The following TENM4 variants were observed in gnomAD, a reference collection of about 807,000 sequenced individuals.
TENM4 encodes teneurin-4.
In TENM4, 82 loss-of-function variants were observed where a neutral mutation model predicts 243.3. That is an observed-to-expected ratio of 0.34 (90% CI 0.28 to 0.40). The LOEUF (loss-of-function observed/expected upper bound fraction) is 0.40, where lower values mean the gene tolerates loss of function less well. Among genes scored for constraint, TENM4 ranks in the 10% least tolerant of loss-of-function variants. The pLI is 1.00. For missense variants in TENM4, 3,138 were observed against 3,673.3 expected, an observed-to-expected ratio of 0.85 and a Z score of 3.77; for synonymous variants, 1,412 against 1,456.3, an observed-to-expected ratio of 0.97 and a Z score of 0.69.
chr11:78,759,288 TTAAACACA>T (rs1248238426), intron 18 of TENM4, among the ~76,000 whole-genome samples: 4 of 152,240 alleles, frequency 2.6e-5, no homozygotes, highest in African/African-American at 9.6e-5. Flanking sequence ...CAGACATTGC[TTAAACACA>T]TAATTACAGC....
At chr11:78,835,124 T>C (rs893523992) in intron 12 of TENM4, among the ~76,000 whole-genome samples, 2 of 152,188 alleles carry the variant, frequency 1.3e-5, no homozygotes, top group East Asian at 1.9e-4. Flanking sequence ...CGGTGAGGCA[T>C]GTAACAGTCA....
chr11:78,840,497 C>T (rs1287090298), intron 12 of TENM4, among the ~76,000 whole-genome samples: 4 of 152,124 alleles, frequency 2.6e-5, no homozygotes, highest in Non-Finnish European at 1.5e-5. Context: ...TTTGTTATAA[C>T]CCTTCATATA....
At chr11:78,829,888 C>T (rs1046995452) in intron 12 of TENM4, among the ~76,000 whole-genome samples, 2 of 152,120 alleles carry the variant, frequency 1.3e-5, no homozygotes, top group South Asian at 4.1e-4. Context: ...CATGCAGGTG[C>T]GTGTACTTTG....
intron 28 of TENM4, among the ~76,000 whole-genome samples, chr11:78,698,135 C>T (rs1435444885): frequency 6.6e-6 from 1 of 152,186 alleles, no homozygotes; most frequent in Non-Finnish European, 1.5e-5. Flanking sequence ...GGTGCGGTGG[C>T]TCATGCCTGT....
At chr11:78,842,218 A>G (rs1011322973) in intron 12 of TENM4, among the ~76,000 whole-genome samples, 3 of 152,208 alleles carry the variant, frequency 2.0e-5, no homozygotes, top group Admixed American at 1.3e-4. Context: ...TCCTAATGTA[A>G]TTAGTGATAT....
intron 1 of TENM4, among the ~76,000 whole-genome samples, chr11:79,300,488 T>G (rs1473323362): frequency 1.3e-5 from 2 of 152,186 alleles, no homozygotes; most frequent in African/African-American, 4.8e-5. Flanking sequence ...TTTGATTATA[T>G]GCTTATACTG....
Position 78,977,885 on chromosome 11 carries a change from C to T in TENM4, c.494-74362G>A, listed in dbSNP as rs1368141155. Among the ~76,000 whole-genome samples the T allele has an allele frequency of 2.0e-5, 3 of 152,204 alleles. No individual in the cohort carries two copies. In the East Asian group the frequency reaches 5.8e-4, roughly 29 times the overall value. ...ACCCAAAGGATTATAAATCATTCTA[C>T]TATAAAGACACATGCATACATATGT... On this transcript the variant is annotated intron_variant, in intron 6 of 33. Transcript: ENST00000278550.
chr11:78,774,711 C>G (rs1036044424), intron 17 of TENM4, among the ~76,000 whole-genome samples: 1 of 152,116 alleles, frequency 6.6e-6, no homozygotes, highest in African/African-American at 2.4e-5. Flanking sequence ...CTCAGTTTCC[C>G]CATTTATAAA....
Position 78,732,372 on chromosome 11 carries a change from G to A in TENM4, c.3082C>T (p.Leu1028=). Residue 1028 remains leucine, a synonymous_variant, in exon 21 of 34, where the codon CTG becomes TTG. Coordinates refer to ENST00000278550, the MANE Select transcript of TENM4 (RefSeq NM_001098816.3). ...GCACAGGAGCTGGCGAAGGACGTCA[G>A]TGGGGATGGAGAGACGACTGGGTTG... The part of the protein sequence containing the change: ...RPNPVVSPSP[L]TSFASSCAEK... 1 of 1,614,006 alleles carries A rather than the reference G, an allele frequency of 6.2e-7. No individual in the cohort carries two copies. Among genetic ancestry groups the A allele is most frequent in the South Asian group, 1.1e-5 (1 of 91,084 alleles).
chr11:79,247,888 A>T (rs1855547210), intron 2 of TENM4, among the ~76,000 whole-genome samples: 1 of 152,228 alleles, frequency 6.6e-6, no homozygotes, highest in South Asian at 2.1e-4. Context: ...CTGTTTTTAC[A>T]GGAGAAGGAG....
At chr11:79,260,621 A>G (rs1354769202) in intron 2 of TENM4, among the ~76,000 whole-genome samples, 1 of 152,194 alleles carries the variant, frequency 6.6e-6, no homozygotes, top group Non-Finnish European at 1.5e-5. Flanking sequence ...CCTGTTGCCC[A>G]GTATGCGGTA....
intron 4 of TENM4, among the ~76,000 whole-genome samples, chr11:79,104,456 T>C (rs1861312817): frequency 6.6e-6 from 1 of 152,228 alleles, no homozygotes; most frequent in South Asian, 2.1e-4. Context: ...ATGTGACCTT[T>C]CTATTTAGAC....
intron 4 of TENM4, among the ~76,000 whole-genome samples, chr11:79,120,912 T>C (rs1861731857): frequency 2.0e-5 from 3 of 152,236 alleles, no homozygotes; most frequent in Admixed American, 2.0e-4. Flanking sequence ...TAGACATTAC[T>C]GTTATCCCAT....
At position 78,863,008 on chromosome 11, in the gene TENM4, G is replaced by T; in HGVS notation, c.1209C>A (p.Gly403=). The change falls in exon 10 of 34, where the codon GGC becomes GGA. Residue 403 remains glycine (G), a synonymous_variant. Coordinates refer to ENST00000278550, the MANE Select transcript of TENM4 (RefSeq NM_001098816.3). Reference sequence around the variant, plus strand: ...TCCTGTCAGGGGTCTCTAAGCCAGTGCCCCCTGAGGGGTATAGGGAGACGT... The same window carrying T: ...TCCTGTCAGGGGTCTCTAAGCCAGTTCCCCCTGAGGGGTATAGGGAGACGT... ...PTDVSLYPSG[G]TGLETPDRKG... 1 of 1,507,242 alleles carries T rather than the reference G, an allele frequency of 6.6e-7. No individual in the cohort carries two copies. Among genetic ancestry groups the T allele is most frequent in the South Asian group, 1.2e-5 (1 of 80,370 alleles). The allele number at this position is 1,507,242 out of a possible 1,614,324, so 93.4% of individuals were successfully genotyped here.
intron 12 of TENM4, among the ~76,000 whole-genome samples, chr11:78,853,501 G>A (rs535672726): frequency 1.3e-5 from 2 of 152,266 alleles, no homozygotes; most frequent in East Asian, 3.9e-4. Flanking sequence ...GAGGGAGAGT[G>A]AAGGTGTTAA....
At chr11:79,333,579 T>C (rs1857096689) in intron 1 of TENM4, among the ~76,000 whole-genome samples, 1 of 152,180 alleles carries the variant, frequency 6.6e-6, no homozygotes, top group African/African-American at 2.4e-5. Flanking sequence ...CCTATGCACA[T>C]AGTAGTTTCT....
chr11:78,870,430 T>C (rs569364333), intron 9 of TENM4, among the ~76,000 whole-genome samples: 1 of 152,176 alleles, frequency 6.6e-6, no homozygotes, highest in Admixed American at 6.5e-5. Context: ...CTAGAGATAT[T>C]TGCCCAATAG....
intron 6 of TENM4, among the ~76,000 whole-genome samples, chr11:78,976,984 A>C (rs1857673280): frequency 1.3e-5 from 2 of 152,220 alleles, no homozygotes; most frequent in South Asian, 4.1e-4. Flanking sequence ...CTTGACATTT[A>C]ATATGCAACA....
intron 3 of TENM4, among the ~76,000 whole-genome samples, chr11:79,173,308 C>G (rs910483826): frequency 2.0e-5 from 3 of 152,084 alleles, no homozygotes; most frequent in Non-Finnish European, 4.4e-5. Context: ...TGTGAGCCAT[C>G]TTGCCCCTTT....
Sources: gnomAD v4.1 joint callset for allele counts (sites outside exome capture counted in the v4.1 genomes callset) on GRCh38, gnomAD v4.1.1 for gene constraint, MANE v1.5 for transcripts, NCBI Gene and HGNC (gene_info 2026-07-23, HGNC 2026-07-21) for gene names.